Variants in TAFA2 observed in about 807,000 individuals in gnomAD.
TAFA2 encodes TAFA chemokine like family member 2.
TAFA2 carries 7 observed loss-of-function variants against 18.8 expected under a neutral mutation model. That is an observed-to-expected ratio of 0.37 (90% CI 0.21 to 0.70). TAFA2 has a LOEUF of 0.70. Ranked by LOEUF, TAFA2 falls within the 30% of genes least tolerant of loss-of-function variation. TAFA2 has a pLI of 0.53. For missense variants in TAFA2, 122 were observed against 158.1 expected (o/e 0.77, Z 1.23); for synonymous variants, 60 against 54.2 (o/e 1.11, Z -0.47).
Position 62,041,697 on chromosome 12 carries a change from A to G in TAFA2, c.-2+149562T>C, listed in dbSNP as rs565924172. On this transcript the variant is annotated intron_variant, in intron 1 of 4. Coordinates refer to ENST00000416284, the MANE Select transcript of TAFA2 (RefSeq NM_178539.5). ...TTAGTTATTCCTCTCCTCAATAAAGAGTAAAAAATCATCAAGACATAAACC... is the reference window on the plus strand; with the variant it reads ...TTAGTTATTCCTCTCCTCAATAAAGGGTAAAAAATCATCAAGACATAAACC... Among the ~76,000 whole-genome samples, 6 of 152,288 alleles carry G rather than the reference A, an allele frequency of 3.9e-5. No individual in the cohort carries two copies. The South Asian group carries it at 1.2e-3, about 32-fold the overall frequency.
At chr12:62,160,067 G>T (rs1484815029) in intron 1 of TAFA2, among the ~76,000 whole-genome samples, 3 of 152,168 alleles carry the variant, frequency 2.0e-5, no homozygotes, top group Non-Finnish European at 4.4e-5. Context: ...CTGCGTGCCA[G>T]TTCCCATACA....
chr12:61,879,392 A>G, intron 1 of TAFA2: 2 of 750,112 alleles, frequency 2.7e-6, no homozygotes, highest in South Asian at 3.0e-5. Context: ...GCCGCTTCCT[A>G]CACGAGTGGT....
chr12:61,897,088 A>G (rs897926788), intron 1 of TAFA2, among the ~76,000 whole-genome samples: 1 of 152,192 alleles, frequency 6.6e-6, no homozygotes, highest in African/African-American at 2.4e-5. Context: ...AATATGAACC[A>G]CTACCTACCA....
At chr12:61,871,943 T>A (rs983373689) in intron 1 of TAFA2, among the ~76,000 whole-genome samples, 1 of 151,994 alleles carries the variant, frequency 6.6e-6, no homozygotes, top group Non-Finnish European at 1.5e-5. Flanking sequence ...ATACCAAAAA[T>A]TAGCCAGGCG....
At chr12:61,812,997 A>C (rs1043612481) in intron 2 of TAFA2, among the ~76,000 whole-genome samples, 1 of 151,574 alleles carries the variant, frequency 6.6e-6, no homozygotes, top group African/African-American at 2.4e-5. Context: ...TAAACAAAAA[A>C]TGCTTTGCAA....
chr12:61,797,971 A>G (rs1310668131), intron 2 of TAFA2, among the ~76,000 whole-genome samples: 1 of 152,186 alleles, frequency 6.6e-6, no homozygotes, highest in African/African-American at 2.4e-5. Flanking sequence ...TTTTCAAAAT[A>G]TTTAATAACC....
intron 1 of TAFA2, among the ~76,000 whole-genome samples, chr12:61,898,727 A>G (rs1447165569): frequency 6.6e-6 from 1 of 152,292 alleles, no homozygotes; most frequent in Non-Finnish European, 1.5e-5. Context: ...CCTGCAGGGA[A>G]GGTCTCTGAC....
At chr12:62,178,558 G>C (rs146946489) in intron 1 of TAFA2, among the ~76,000 whole-genome samples, 104 of 152,248 alleles carry the variant, frequency 6.8e-4, no homozygotes, top group African/African-American at 2.5e-3. Flanking sequence ...AAGATTCCCA[G>C]ATTAGAGACA....
rs528145729 is a variant in TAFA2 at position 62,218,372 on chromosome 12, C to G, written c.-130+40391G>C. ...GGAAAGGAAAAGAGTCTCTCCTACC[C>G]GTGTCTGATGAACACATCCCCTATT... On this transcript the variant is annotated intron_variant, in intron 1 of 5. Coordinates refer to the TAFA2 transcript ENST00000551619. 1.4e-3 allele frequency among the ~76,000 whole-genome samples: 206 copies of G among 152,220 alleles called. 1 individual carries two copies. The highest frequency in any genetic ancestry group is 2.6e-3 in the Non-Finnish European group (178 of 67,998).
chr12:62,115,620 T>A (rs1404195841), intron 1 of TAFA2, among the ~76,000 whole-genome samples: 1 of 152,120 alleles, frequency 6.6e-6, no homozygotes, highest in Non-Finnish European at 1.5e-5. Flanking sequence ...TAAAGATGTA[T>A]CCCCTCCCAA....
chr12:62,012,944 C>T (rs1005861173), intron 1 of TAFA2, among the ~76,000 whole-genome samples: 3 of 152,124 alleles, frequency 2.0e-5, no homozygotes, highest in African/African-American at 7.2e-5. Context: ...AGTTCAGAGC[C>T]TCAATGCATA....
At chr12:61,962,071 T>G (rs1878905535) in intron 1 of TAFA2, among the ~76,000 whole-genome samples, 1 of 152,034 alleles carries the variant, frequency 6.6e-6, no homozygotes, top group African/African-American at 2.4e-5. Flanking sequence ...CGTATATTGA[T>G]TTACATTAAG....
chr12:62,194,654 A>G (rs557752454), upstream of TAFA2, among the ~76,000 whole-genome samples: 1 of 152,350 alleles, frequency 6.6e-6, no homozygotes, highest in African/African-American at 2.4e-5. Flanking sequence ...TATTTCCAGC[A>G]TCTCCTAGAC....
intron 1 of TAFA2, among the ~76,000 whole-genome samples, chr12:62,190,227 C>T (rs2062613971): frequency 6.6e-6 from 1 of 152,040 alleles, no homozygotes. Context: ...TCGCGTCCAC[C>T]CAAAGGCTCT....
chr12:62,182,006 C>T (rs2062555959), intron 1 of TAFA2, among the ~76,000 whole-genome samples: 1 of 141,550 alleles, frequency 7.1e-6, no homozygotes, highest in African/African-American at 2.7e-5. Flanking sequence ...CCCCGCTACA[C>T]ATAGTAGCTA....
intron 1 of TAFA2, among the ~76,000 whole-genome samples, chr12:61,996,001 T>C (rs942185799): frequency 2.6e-5 from 4 of 152,114 alleles, no homozygotes; most frequent in Non-Finnish European, 4.4e-5. Flanking sequence ...AAAAGACAAT[T>C]GGCTAATCCA....
chr12:61,806,231 C>A (rs1199022893), intron 2 of TAFA2, among the ~76,000 whole-genome samples: 1 of 152,076 alleles, frequency 6.6e-6, no homozygotes, highest in Non-Finnish European at 1.5e-5. Context: ...TGGGAGGCAC[C>A]CAGTGAAAGG....
chr12:62,147,324 ATG>A (rs1159355216), intron 1 of TAFA2, among the ~76,000 whole-genome samples: 550 of 19,832 alleles, frequency 0.028, no homozygotes, highest in South Asian at 0.052. Flanking sequence ...GTGTGTATGT[ATG>A]TATATATATA....
chr12:61,731,809 T>C (rs1036028270), intron 4 of TAFA2, among the ~76,000 whole-genome samples: 1 of 151,964 alleles, frequency 6.6e-6, no homozygotes, highest in Non-Finnish European at 1.5e-5. Context: ...CAGGAAGAAA[T>C]AGTCTGGGGA....
Sources: allele counts gnomAD v4.1 joint callset (sites outside exome capture counted in the v4.1 genomes callset), GRCh38; gene constraint gnomAD v4.1.1; transcripts MANE v1.5; gene names NCBI Gene and HGNC (gene_info 2026-07-23, HGNC 2026-07-21).